The following ADAM12 variants were observed in gnomAD, a reference collection of about 807,000 sequenced individuals.
ADAM12 encodes disintegrin and metalloproteinase domain-containing protein 12.
ADAM12 carries 70 observed loss-of-function variants against 106.4 expected under a neutral mutation model. That is an observed-to-expected ratio of 0.66 (90% CI 0.54 to 0.80). The LOEUF is 0.80. Ranked by LOEUF, ADAM12 falls within the 30% of genes least tolerant of loss-of-function variation. The pLI is 0.00. For synonymous variants in ADAM12, 420 were observed against 433.5 expected, an observed-to-expected ratio of 0.97 and a Z score of 0.39; for missense variants, 1,010 against 1,171.9, an observed-to-expected ratio of 0.86 and a Z score of 2.02.
chr10:126,323,306 A>G (rs1854170544), intron 2 of ADAM12, among the ~76,000 whole-genome samples: 1 of 152,212 alleles, frequency 6.6e-6, no homozygotes. Context: ...GATAAAAAAT[A>G]TAGGTCTGGC....
At chr10:126,198,492 A>C (rs1957639670) in intron 3 of ADAM12, among the ~76,000 whole-genome samples, 1 of 152,166 alleles carries the variant, frequency 6.6e-6, no homozygotes, top group Non-Finnish European at 1.5e-5. Flanking sequence ...AATATTTGCT[A>C]TCTGGTTTGT....
At chr10:126,224,911 C>T (rs1958163069) in intron 3 of ADAM12, among the ~76,000 whole-genome samples, 1 of 152,234 alleles carries the variant, frequency 6.6e-6, no homozygotes, top group Admixed American at 6.5e-5. Flanking sequence ...AAGTGGACAT[C>T]AGGGAAGCAT....
rs184674532 is a variant in ADAM12, at chr10:126,234,263, T to G, written c.260+44652A>C. Among the ~76,000 whole-genome samples, 14 of 152,352 alleles carry G rather than the reference T, an allele frequency of 9.2e-5. No individual in the cohort carries two copies. The East Asian group carries it at 2.7e-3, about 29-fold the overall frequency. ...TTGGCTTACTTGTGCTTAATTTTTA[T>G]GTAATTATCATGGGCTGCATTTGTA... On this transcript the variant is annotated intron_variant, in intron 3 of 22. Coordinates refer to ENST00000448723, the MANE Select transcript of ADAM12 (RefSeq NM_001288973.2).
intron 12 of ADAM12, among the ~76,000 whole-genome samples, chr10:126,068,177 A>G (rs1954911628): frequency 6.6e-6 from 1 of 152,224 alleles, no homozygotes; most frequent in Non-Finnish European, 1.5e-5. Flanking sequence ...TTACAATTCT[A>G]AAAGAGTTTA....
Position 126,043,054 on chromosome 10 carries a change from G to T in ADAM12, c.2090C>A (p.Pro697His). The change falls in exon 18 of 23, where the codon CCC (proline) becomes CAC (histidine). Residue 697 changes from proline to histidine, a missense_variant. By Grantham distance (77) the Pro-to-His change is moderately conservative. Around this residue, in one of 3 missense-constraint regions of ADAM12, gnomAD observed 615 missense variants for 708.5 expected, o/e 0.87. Coordinates refer to ENST00000448723, the MANE Select transcript of ADAM12 (RefSeq NM_001288973.2). The surrounding 1 kb of genome is among the most constrained non-coding windows in gnomAD (Gnocchi z 4.1). The stretch of plus-strand genomic sequence containing the variant: ...GCTTCACTGACCTGCTTGCCGGATG[G>T]GGCCGCTGTCTGTGCTTCCTCCAAA... ...FGFGGSTDSG[P>H]IRQADNQGLT... 6.2e-7 allele frequency: 1 copy of T among 1,614,162 alleles called. No homozygotes were observed. Among genetic ancestry groups the T allele is most frequent in the South Asian group, 1.1e-5 (1 of 91,074 alleles).
At chr10:126,140,593 T>G (rs1019458311) in intron 4 of ADAM12, among the ~76,000 whole-genome samples, 1 of 152,258 alleles carries the variant, frequency 6.6e-6, no homozygotes, top group Non-Finnish European at 1.5e-5. Flanking sequence ...CTTCAGACAG[T>G]TGACTAACAA....
intron 3 of ADAM12, among the ~76,000 whole-genome samples, chr10:126,178,406 A>ATT (rs1426086384): frequency 0.01 from 1,213 of 120,444 alleles, 24 homozygotes; most frequent in African/African-American, 0.04. Context: ...ATTGGAGGAC[A>ATT]TCTTTTTTTT....
At chr10:126,187,096 T>A (rs1306633483) in intron 3 of ADAM12, among the ~76,000 whole-genome samples, 1 of 152,120 alleles carries the variant, frequency 6.6e-6, no homozygotes, top group Non-Finnish European at 1.5e-5. Flanking sequence ...AATGACAGAG[T>A]AACTAATTTC....
intron 1 of ADAM12, among the ~76,000 whole-genome samples, chr10:126,369,596 G>A (rs1201358185): frequency 6.6e-6 from 1 of 152,144 alleles, no homozygotes; most frequent in East Asian, 1.9e-4. Context: ...GCAGTAAAAG[G>A]ACATGAAACA....
At chr10:126,085,234 T>C (rs887780388) in intron 11 of ADAM12, among the ~76,000 whole-genome samples, 1 of 152,250 alleles carries the variant, frequency 6.6e-6, no homozygotes, top group African/African-American at 2.4e-5. Context: ...ATTTTGTTTT[T>C]ATTTTCTTCT....
intron 2 of ADAM12, among the ~76,000 whole-genome samples, chr10:126,305,408 G>C (rs764673566): frequency 6.6e-5 from 10 of 151,996 alleles, no homozygotes; most frequent in African/African-American, 1.4e-4. Context: ...TTCTAGAAGA[G>C]AGAAATCTAA....
intron 3 of ADAM12, among the ~76,000 whole-genome samples, chr10:126,164,153 G>A (rs1157912034): frequency 6.6e-6 from 1 of 152,138 alleles, no homozygotes; most frequent in Non-Finnish European, 1.5e-5. Context: ...CTTAGAATAT[G>A]AAAAAACTCA....
chr10:126,034,981 A>G (rs1417532862), intron 21 of ADAM12, among the ~76,000 whole-genome samples: 3 of 152,182 alleles, frequency 2.0e-5, no homozygotes, highest in African/African-American at 7.2e-5. Flanking sequence ...ATCGCAAACA[A>G]CAGAGCTTCA....
rs78394964 is a variant in ADAM12, at chr10:126,218,414, G to A, written c.260+60501C>T. Among the ~76,000 whole-genome samples the A allele has an allele frequency of 9.7e-3, 1,476 of 152,302 alleles. 59 individuals are homozygous for A. The East Asian group carries it at 0.12, about 12-fold the overall frequency. On this transcript the variant is annotated intron_variant, in intron 3 of 22. Coordinates refer to ENST00000448723, the MANE Select transcript of ADAM12 (RefSeq NM_001288973.2). ...ACCAAGGCTTGTTCAAGGTCACACA[G>A]CTGGTGAACAGAACAGCTGGGCTTG... is the stretch of plus-strand genomic sequence containing the variant.
At chr10:126,268,817 T>A (rs1167726583) in intron 3 of ADAM12, among the ~76,000 whole-genome samples, 2 of 152,156 alleles carry the variant, frequency 1.3e-5, no homozygotes, top group Non-Finnish European at 2.9e-5. Context: ...GCAGAATCTG[T>A]GTTTATGAAC....
chr10:126,058,287 G>A (rs1196699638), intron 14 of ADAM12, among the ~76,000 whole-genome samples: 1 of 152,250 alleles, frequency 6.6e-6, no homozygotes, highest in South Asian at 2.1e-4. Flanking sequence ...GAACGAATGA[G>A]TGAAAAGCCA....
chr10:126,059,168 T>C (rs925612020), intron 14 of ADAM12, among the ~76,000 whole-genome samples: 5 of 152,196 alleles, frequency 3.3e-5, no homozygotes, highest in Admixed American at 6.5e-5. Context: ...CCAATGTCAT[T>C]ATATTTTTTT....
In ADAM12 at chr10:126,166,624, G is replaced by A. The variant is rs545075226; in HGVS notation, c.261-11319C>T. Among the ~76,000 whole-genome samples, 7 of 151,702 alleles carry A rather than the reference G, an allele frequency of 4.6e-5. No individual in the cohort carries two copies. The South Asian group carries it at 6.3e-4, about 14-fold the overall frequency. On this transcript the variant is annotated intron_variant, in intron 3 of 22. Transcript: ENST00000448723. ...AGTGATTCTCCTGCCCCAGCCTCCC[G>A]CGTAGCTGAGACTACAGGCATGTGC...
At chr10:126,232,020 T>C (rs1401052549) in intron 3 of ADAM12, among the ~76,000 whole-genome samples, 3 of 152,234 alleles carry the variant, frequency 2.0e-5, no homozygotes, top group Non-Finnish European at 4.4e-5. Flanking sequence ...AAAGGAATTC[T>C]GGACATGAGT....
Sources: gnomAD v4.1 joint callset for allele counts (sites outside exome capture counted in the v4.1 genomes callset) on GRCh38, gnomAD v4.1.1 for gene constraint, gnomAD v4.1.1 regional missense constraint, Gnocchi (gnomAD v3.1) non-coding constraint, MANE v1.5 for transcripts, NCBI Gene and HGNC (gene_info 2026-07-23, HGNC 2026-07-21) for gene names.